Variants in TMEM272 observed in about 807,000 individuals in gnomAD.
TMEM272 encodes the protein long intergenic non-protein coding RNA 282.
In TMEM272, 8 loss-of-function variants were observed where a neutral mutation model predicts 3.7. That is an observed-to-expected ratio of 2.17 (90% CI 1.27 to 3.91). TMEM272 has a LOEUF of 3.91. TMEM272 is among the 30% of genes most tolerant of loss of function. TMEM272 has a pLI of 0.00. For missense variants in TMEM272, 166 were observed against 91.5 expected (o/e 1.81, Z -3.32); for synonymous variants, 63 against 39.8 (o/e 1.58, Z -2.20).
chr13:51,860,348 A>G, the TMEM272 span, among the ~76,000 whole-genome samples: 1 of 152,258 alleles, frequency 6.6e-6, no homozygotes, highest in African/African-American at 2.4e-5. Context: ...AAAGAATTAA[A>G]GGAAAACAAG....
chr13:51,916,884 T>G, the TMEM272 span, among the ~76,000 whole-genome samples: 15 of 152,222 alleles, frequency 9.9e-5, no homozygotes, highest in Non-Finnish European at 1.9e-4. Context: ...TTCCCATGCA[T>G]CATTCTCCGG....
chr13:51,914,020 T>A, the TMEM272 span, among the ~76,000 whole-genome samples: 1 of 152,230 alleles, frequency 6.6e-6, no homozygotes, highest in Non-Finnish European at 1.5e-5. Flanking sequence ...TTAGCTGCCA[T>A]CAAGCCCTTA....
chr13:51,869,502 T>TTG, the TMEM272 span, among the ~76,000 whole-genome samples: 1 of 151,860 alleles, frequency 6.6e-6, no homozygotes, highest in East Asian at 1.9e-4. Context: ...TTTTTTTTTT[T>TTG]TTTTTGAGAT....
At chr13:51,866,000 G>A in the TMEM272 span, 237 of 1,613,120 alleles carry the variant, frequency 1.5e-4, no homozygotes, top group East Asian at 1.0e-3. Flanking sequence ...CCACATTGCC[G>A]GAGAGCAGAT....
At chr13:51,855,157 T>G in the TMEM272 span, among the ~76,000 whole-genome samples, 1 of 152,228 alleles carries the variant, frequency 6.6e-6, no homozygotes, top group Non-Finnish European at 1.5e-5. Flanking sequence ...TAAAGAGGTC[T>G]AAGGGATAAA....
At chr13:51,850,733 G>A in the TMEM272 span, among the ~76,000 whole-genome samples, 1 of 151,908 alleles carries the variant, frequency 6.6e-6, no homozygotes, top group Non-Finnish European at 1.5e-5. Context: ...ATACTCTTTT[G>A]TGTAATTTAT....
chr13:51,824,421 G>A (rs893661039), intron 3 of TMEM272, among the ~76,000 whole-genome samples: 2 of 152,216 alleles, frequency 1.3e-5, no homozygotes. Flanking sequence ...CAATTCATCG[G>A]CATAATTACA....
chr13:51,855,564 T>C, the TMEM272 span, among the ~76,000 whole-genome samples: 1 of 152,118 alleles, frequency 6.6e-6, no homozygotes, highest in East Asian at 1.9e-4. Flanking sequence ...AAAATCAAGA[T>C]GGATAAATTT....
At chr13:51,867,006 G>T in the TMEM272 span, among the ~76,000 whole-genome samples, 1 of 152,224 alleles carries the variant, frequency 6.6e-6, no homozygotes, top group Non-Finnish European at 1.5e-5. Flanking sequence ...TCTTCTGGGG[G>T]TGGGGAGATT....
the TMEM272 span, among the ~76,000 whole-genome samples, chr13:51,917,944 A>T: frequency 6.6e-6 from 1 of 152,094 alleles, no homozygotes; most frequent in Non-Finnish European, 1.5e-5. Context: ...CTGTTTATTG[A>T]GAGATTCATC....
chr13:51,931,153 A>G, the TMEM272 span, among the ~76,000 whole-genome samples: 1 of 152,240 alleles, frequency 6.6e-6, no homozygotes, highest in Non-Finnish European at 1.5e-5. Flanking sequence ...CTATAAAGAC[A>G]CATGGACACT....
chr13:51,878,246 T>C, the TMEM272 span, among the ~76,000 whole-genome samples: 1 of 152,050 alleles, frequency 6.6e-6, no homozygotes, highest in Non-Finnish European at 1.5e-5. Flanking sequence ...CTGGCTAACA[T>C]GGTGAAACCC....
At chr13:51,849,879 GCTTCCTGCCGT>G (rs1310566690), upstream of TMEM272, among the ~76,000 whole-genome samples, 2 of 152,114 alleles carry the variant, frequency 1.3e-5, no homozygotes, top group African/African-American at 4.8e-5. Context: ...CCTCCCCATC[GCTTCCTGCCGT>G]CTGTGGTCTC....
chr13:51,865,358 C>A, the TMEM272 span: 1 of 1,558,198 alleles, frequency 6.4e-7, no homozygotes. Flanking sequence ...CTGGACCTGG[C>A]CAAGGGTCCT....
chr13:51,886,570 C>T, the TMEM272 span, among the ~76,000 whole-genome samples: 1 of 152,218 alleles, frequency 6.6e-6, no homozygotes, highest in East Asian at 1.9e-4. Flanking sequence ...AACCTCTCCA[C>T]TGTTGGTGTC....
At chr13:51,878,951 A>G in the TMEM272 span, among the ~76,000 whole-genome samples, 881 of 152,324 alleles carry the variant, frequency 5.8e-3, 9 homozygotes, top group African/African-American at 0.019. Context: ...GTTGATTTGT[A>G]TTTACACAGA....
At chr13:51,850,365 C>A in the TMEM272 span, among the ~76,000 whole-genome samples, 1 of 152,118 alleles carries the variant, frequency 6.6e-6, no homozygotes, top group East Asian at 1.9e-4. Flanking sequence ...CTATCCACTT[C>A]TTTATTTTAA....
chr13:51,921,901 CCACT>C, the TMEM272 span, among the ~76,000 whole-genome samples: 6 of 152,088 alleles, frequency 3.9e-5, no homozygotes, highest in African/African-American at 7.2e-5. Flanking sequence ...CCCTCCCCAC[CCACT>C]GTGTGCGTGT....
the TMEM272 span, among the ~76,000 whole-genome samples, chr13:51,885,875 C>G: frequency 6.6e-6 from 1 of 152,140 alleles, no homozygotes; most frequent in Non-Finnish European, 1.5e-5. Context: ...TGAAATCACG[C>G]CAAACAAATA....
Sources: gnomAD v4.1 joint callset for allele counts (sites outside exome capture counted in the v4.1 genomes callset) on GRCh38, gnomAD v4.1.1 for gene constraint, MANE v1.5 for transcripts, NCBI Gene and HGNC (gene_info 2026-07-23, HGNC 2026-07-21) for gene names.